Variants in MACROD2 observed in about 807,000 individuals in gnomAD.
MACROD2 encodes the protein mono-ADP ribosylhydrolase 2, also known as ADP-ribose glycohydrolase MACROD2.
Under a neutral mutation model 70.4 loss-of-function variants are expected in MACROD2, and 36 were observed. That is an observed-to-expected ratio of 0.51 (90% confidence interval 0.39 to 0.68). MACROD2 has a LOEUF of 0.68. MACROD2 is among the 30% of genes least tolerant of loss of function. The pLI, the probability that MACROD2 is intolerant of heterozygous loss-of-function variation, is 0.00. For missense variants in MACROD2, 496 were observed against 538.4 expected, an observed-to-expected ratio of 0.92 and a Z score of 0.78; for synonymous variants, 172 against 178.8, an observed-to-expected ratio of 0.96 and a Z score of 0.30.
intron 7 of MACROD2, among the ~76,000 whole-genome samples, chr20:15,462,245 T>C (rs2046829392): frequency 6.6e-6 from 1 of 152,178 alleles, no homozygotes. Context: ...GCTTGTGAAA[T>C]GTGAAGGCAT....
At chr20:14,736,500 A>G (rs540318267) in intron 5 of MACROD2, among the ~76,000 whole-genome samples, 1 of 152,292 alleles carries the variant, frequency 6.6e-6, no homozygotes, top group South Asian at 2.1e-4. Context: ...AAGTAAACAA[A>G]GTGTTTTTCA....
At chr20:14,955,308 A>C (rs2074526082) in intron 5 of MACROD2, among the ~76,000 whole-genome samples, 1 of 142,758 alleles carries the variant, frequency 7.0e-6, no homozygotes, top group Non-Finnish European at 1.5e-5. Context: ...TATAATTTTT[A>C]TTATATATAA....
intron 7 of MACROD2, among the ~76,000 whole-genome samples, chr20:15,481,368 G>A (rs957043325): frequency 6.6e-6 from 1 of 152,198 alleles, no homozygotes; most frequent in South Asian, 2.1e-4. Flanking sequence ...TTCTAAACAT[G>A]AGGCAGAGGC....
At chr20:15,320,851 T>A (rs1012005621) in intron 6 of MACROD2, among the ~76,000 whole-genome samples, 27 of 152,212 alleles carry the variant, frequency 1.8e-4, no homozygotes, top group African/African-American at 6.3e-4. Flanking sequence ...ACATCACTTC[T>A]TTTCAAACTC....
intron 5 of MACROD2, among the ~76,000 whole-genome samples, chr20:15,164,931 A>G (rs2076373293): frequency 6.6e-6 from 1 of 151,970 alleles, no homozygotes; most frequent in East Asian, 1.9e-4. Context: ...AAATATCAAT[A>G]TCAGCATAAA....
intron 8 of MACROD2, among the ~76,000 whole-genome samples, chr20:15,535,352 C>T (rs1198524477): frequency 6.6e-6 from 1 of 152,086 alleles, no homozygotes; most frequent in Non-Finnish European, 1.5e-5. Flanking sequence ...CAGTGGTTCT[C>T]ACAATGTGGT....
rs2073333486 is a variant in MACROD2 at position 14,862,057 on chromosome 20, A to ATTTT, written c.418+177099_418+177100insTTTT. Among the ~76,000 whole-genome samples the ATTTT allele has an allele frequency of 1.0e-3, 18 of 17,952 alleles. 3 individuals are homozygous for ATTTT. Among genetic ancestry groups the ATTTT allele is most frequent in the African/African-American group, 4.1e-3 (17 of 4,112 alleles). 11.8% of individuals were successfully genotyped at this position (17,952 alleles called of 152,430 possible). On this transcript the variant is annotated intron_variant, in intron 5 of 17. Transcript: ENST00000684519. ...TATATATTTATATATATATTTATAT[A>ATTTT]TATATAAATATATATAAATATATAA... is the stretch of plus-strand genomic sequence containing the variant.
chr20:15,312,106 G>A (rs537576895), intron 6 of MACROD2, among the ~76,000 whole-genome samples: 50 of 152,052 alleles, frequency 3.3e-4, no homozygotes, highest in Non-Finnish European at 6.8e-4. Flanking sequence ...ATGTAACAAC[G>A]TTAAAGGAAA....
At chr20:15,236,915 T>C (rs2077018303) in intron 6 of MACROD2, among the ~76,000 whole-genome samples, 1 of 152,316 alleles carries the variant, frequency 6.6e-6, no homozygotes, top group African/African-American at 2.4e-5. Context: ...TCCTCCATTA[T>C]TATGTGCCTT....
intron 3 of MACROD2, among the ~76,000 whole-genome samples, chr20:14,225,585 G>A (rs571703234): frequency 2.7e-4 from 41 of 152,178 alleles, no homozygotes; most frequent in African/African-American, 9.4e-4. Flanking sequence ...GATCAATATC[G>A]CCTTTTAAAC....
At chr20:14,605,314 G>A (rs977393311) in intron 4 of MACROD2, among the ~76,000 whole-genome samples, 1 of 152,068 alleles carries the variant, frequency 6.6e-6, no homozygotes, top group African/African-American at 2.4e-5. Context: ...GCTCCTGGTA[G>A]CCTGAGGAGT....
chr20:14,490,123 T>C (rs1319155953), intron 3 of MACROD2, among the ~76,000 whole-genome samples: 1 of 152,254 alleles, frequency 6.6e-6, no homozygotes, highest in East Asian at 1.9e-4. Context: ...GATTCCTATA[T>C]TGTATTCACT....
chr20:14,624,350 C>T (rs1043230487), intron 4 of MACROD2, among the ~76,000 whole-genome samples: 1 of 152,136 alleles, frequency 6.6e-6, no homozygotes, highest in Non-Finnish European at 1.5e-5. Context: ...CTGTTCCAGT[C>T]TTTTACTAAG....
intron 3 of MACROD2, among the ~76,000 whole-genome samples, chr20:14,233,278 C>A (rs369738171): frequency 2.5e-4 from 38 of 152,016 alleles, no homozygotes; most frequent in Admixed American, 2.5e-3. Context: ...AAAATGGTAC[C>A]GATAGATGTG....
chr20:14,168,937 T>C (rs973389278), intron 3 of MACROD2, among the ~76,000 whole-genome samples: 9 of 152,128 alleles, frequency 5.9e-5, no homozygotes, highest in African/African-American at 2.2e-4. Context: ...CTGATGAACA[T>C]AGATGGAAAA....
chr20:15,317,742 CA>C (rs1201875456), intron 6 of MACROD2, among the ~76,000 whole-genome samples: 4 of 151,316 alleles, frequency 2.6e-5, no homozygotes, highest in African/African-American at 9.8e-5. Flanking sequence ...TAAAGGTAGT[CA>C]AGCAGAAGGG....
intron 3 of MACROD2, among the ~76,000 whole-genome samples, chr20:14,461,338 A>G (rs2084368861): frequency 6.6e-6 from 1 of 151,820 alleles, no homozygotes; most frequent in African/African-American, 2.4e-5. Context: ...CAGTCTGGCT[A>G]GTGGTTTATC....
At chr20:14,522,415 C>T (rs1052961712) in intron 4 of MACROD2, among the ~76,000 whole-genome samples, 1 of 152,128 alleles carries the variant, frequency 6.6e-6, no homozygotes, top group African/African-American at 2.4e-5. Flanking sequence ...CTAGATTGGT[C>T]AGTCACAGCA....
intron 5 of MACROD2, among the ~76,000 whole-genome samples, chr20:14,743,445 C>T (rs144951808): frequency 4.9e-4 from 74 of 152,120 alleles, no homozygotes; most frequent in African/African-American, 1.6e-3. Context: ...GAAAAAAAGA[C>T]ACAGAGATAC....
Sources: gnomAD v4.1 joint callset for allele counts (sites outside exome capture counted in the v4.1 genomes callset) on GRCh38, gnomAD v4.1.1 for gene constraint, MANE v1.5 for transcripts, NCBI Gene and HGNC (gene_info 2026-07-23, HGNC 2026-07-21) for gene names.